Variants in GVQW3 observed in about 807,000 individuals in gnomAD.
The protein encoded by GVQW3 is GVQW motif containing 3.
Under a neutral mutation model 12.5 loss-of-function variants are expected in GVQW3, and 7 were observed. The ratio of observed to expected loss-of-function variants is 0.56; its 90% CI spans 0.32 to 1.05. The LOEUF (loss-of-function observed/expected upper bound fraction) is 1.05. GVQW3 is among the 50% of genes least tolerant of loss of function. GVQW3 has a pLI of 0.04. For missense variants in GVQW3, 188 were observed against 190.8 expected (o/e 0.99, Z 0.09); for synonymous variants, 71 against 67.2 (o/e 1.06, Z -0.28).
chr11:76,411,407 A>G (rs1947078935), downstream of GVQW3: 1 of 152,236 alleles, frequency 6.6e-6, no homozygotes, highest in Admixed American at 6.5e-5. Context: ...ATGTGACCCA[A>G]TTTAAACTTC....
At chr11:76,401,788 A>AAAAAG (rs1555029840) in intron 1 of GVQW3, among the ~76,000 whole-genome samples, 3 of 150,848 alleles carry the variant, frequency 2.0e-5, no homozygotes, top group Non-Finnish European at 4.4e-5. Flanking sequence ...AAAAAAAAAA[A>AAAAAG]AAAGAAAGAA....
exon 2 of GVQW3, chr11:76,413,288 TC>T (rs1470891051): frequency 2.6e-5 from 4 of 152,168 alleles, no homozygotes; most frequent in Non-Finnish European, 5.9e-5. Flanking sequence ...TTGGCATTGT[TC>T]TCCCAAGACT....
chr11:76,398,051 C>T (rs989970227), intron 1 of GVQW3, among the ~76,000 whole-genome samples: 1 of 150,248 alleles, frequency 6.7e-6, no homozygotes, highest in Non-Finnish European at 1.5e-5. Context: ...ACGAGAATCC[C>T]TTGAACCCAG....
intron 1 of GVQW3, 69 bp downstream of exon 1, chr11:76,382,362 C>T (rs1167525071): frequency 9.9e-7 from 1 of 1,011,088 alleles, no homozygotes; most frequent in Non-Finnish European, 1.5e-6. Context: ...TGCCGGTATC[C>T]CATCCCAGAG....
intron 1 of GVQW3, among the ~76,000 whole-genome samples, chr11:76,401,110 C>T (rs1157549881): frequency 6.7e-6 from 1 of 149,456 alleles, no homozygotes; most frequent in Non-Finnish European, 1.5e-5. Flanking sequence ...TGGGCTCAAG[C>T]AATCTGCCCA....
At chr11:76,402,035 T>G (rs1164318514) in intron 1 of GVQW3, among the ~76,000 whole-genome samples, 3 of 152,084 alleles carry the variant, frequency 2.0e-5, no homozygotes, top group Non-Finnish European at 4.4e-5. Flanking sequence ...TCTCAGGGCT[T>G]TATCTCAGTT....
chr11:76,386,728 G>A (rs1946838227), intron 1 of GVQW3, among the ~76,000 whole-genome samples: 1 of 152,088 alleles, frequency 6.6e-6, no homozygotes. Flanking sequence ...TTCTTCTTCA[G>A]TCAGCCCACC....
intron 1 of GVQW3, among the ~76,000 whole-genome samples, chr11:76,391,619 G>GTCA (rs1217441869): frequency 6.6e-6 from 1 of 152,198 alleles, no homozygotes; most frequent in African/African-American, 2.4e-5. Context: ...GTTCGGGTCT[G>GTCA]TCATCAGACC....
chr11:76,402,944 G>GTTTA (rs1176925781), intron 1 of GVQW3, among the ~76,000 whole-genome samples: 5 of 147,036 alleles, frequency 3.4e-5, no homozygotes, highest in Non-Finnish European at 6.0e-5. Flanking sequence ...TTGTTTGTTT[G>GTTTA]TTTATTTATT....
At chr11:76,399,274 G>C (rs1044442965) in intron 1 of GVQW3, among the ~76,000 whole-genome samples, 3 of 152,016 alleles carry the variant, frequency 2.0e-5, no homozygotes, top group African/African-American at 7.2e-5. Flanking sequence ...CGAGTAACTG[G>C]GATTACAGGC....
At chr11:76,397,517 C>T (rs1946950195) in intron 1 of GVQW3, among the ~76,000 whole-genome samples, 1 of 152,274 alleles carries the variant, frequency 6.6e-6, no homozygotes, top group African/African-American at 2.4e-5. Context: ...TTCATTATTT[C>T]TTGTATTCAC....
intron 1 of GVQW3, among the ~76,000 whole-genome samples, chr11:76,397,696 CTACTGTA>C (rs1254124615): frequency 2.0e-5 from 3 of 152,104 alleles, no homozygotes; most frequent in Non-Finnish European, 4.4e-5. Flanking sequence ...TATAGTATGT[CTACTGTA>C]TAAACACAGG....
rs895794373 is a variant in GVQW3 at position 76,407,261 on chromosome 11, G to A, written c.*3503G>A. On this transcript the variant is annotated 3_prime_UTR_variant, in exon 2 of 2. Coordinates refer to ENST00000529331, the MANE Select transcript of GVQW3 (RefSeq NM_001347885.2). ...GATATTGTTTTCTCAGAGCAATTTC[G>A]CAATGAGCATCACGAAGCTTTAAAG... 2.0e-5 allele frequency: 3 copies of A among 151,954 alleles called. No individual in the cohort carries two copies. Among genetic ancestry groups the A allele is most frequent in the African/African-American group, 7.3e-5 (3 of 41,354 alleles). The allele number at this position is 151,954 out of a possible 1,614,324, so 9.4% of individuals were successfully genotyped here.
At chr11:76,382,451 C>T (rs144355392) in intron 1 of GVQW3, 158 bp downstream of exon 1, 3 of 670,470 alleles carry the variant, frequency 4.5e-6, no homozygotes, top group African/African-American at 1.8e-5. Flanking sequence ...AATTGGTTCA[C>T]CCCATGGTGA....
Position 76,382,282 on chromosome 11 carries a change from T to C in GVQW3, c.454T>C (p.Leu152=). The C allele has an allele frequency of 2.0e-6, 3 of 1,523,314 alleles. No homozygotes were observed. The highest frequency in any genetic ancestry group is 2.6e-6 in the Non-Finnish European group (3 of 1,135,582). 94.4% of individuals were successfully genotyped at this position (1,523,314 alleles called of 1,614,324 possible). A position where few individuals can be genotyped will look rare whatever the true frequency, so the allele number is the denominator to read the frequency against. The change falls in exon 1 of 2, where the codon TTG becomes CTG. Residue 152 remains leucine (L), a synonymous_variant. Coordinates refer to ENST00000529331, the MANE Select transcript of GVQW3 (RefSeq NM_001347885.2). ...GGAAACTAGGAAAAATAGCTCATGT[T>C]TGAGGAAAAAGGTAACAGGTTCTGA... is the stretch of plus-strand genomic sequence containing the variant. ...SKETRKNSSC[L]RKKRRNLTML...
rs1947041616 is a variant in GVQW3 at position 76,406,687 on chromosome 11, T to C, written c.*2929T>C. 1 of 152,208 alleles carries C rather than the reference T, an allele frequency of 6.6e-6. No individual in the cohort carries two copies. The allele number at this position is 152,208 out of a possible 1,614,324, so 9.4% of individuals were successfully genotyped here. The stretch of plus-strand genomic sequence containing the variant: ...AGCCAATTTTCAAATAAAAAAGAAA[T>C]GTTTAAAGCAGTGGAAGCACTGTTT... On this transcript the variant is annotated 3_prime_UTR_variant, in exon 2 of 2. Coordinates refer to ENST00000529331, the MANE Select transcript of GVQW3 (RefSeq NM_001347885.2).
intron 1 of GVQW3, among the ~76,000 whole-genome samples, chr11:76,391,311 A>G (rs1289382596): frequency 6.6e-6 from 1 of 152,228 alleles, no homozygotes; most frequent in East Asian, 1.9e-4. Flanking sequence ...TAAGTCCACA[A>G]AGACAAATGC....
chr11:76,398,147 A>G (rs1308631007), intron 1 of GVQW3, among the ~76,000 whole-genome samples: 17 of 151,848 alleles, frequency 1.1e-4, no homozygotes, highest in Non-Finnish European at 8.8e-5. Context: ...AAAAAAAAAA[A>G]AAAGAAAGAA....
At chr11:76,390,501 C>T (rs1186237818) in intron 1 of GVQW3, among the ~76,000 whole-genome samples, 5 of 152,204 alleles carry the variant, frequency 3.3e-5, no homozygotes, top group Admixed American at 3.3e-4. Flanking sequence ...TGTTCCTCCT[C>T]GTGAGCACAC....
Sources: allele counts gnomAD v4.1 joint callset (sites outside exome capture counted in the v4.1 genomes callset), GRCh38; gene constraint gnomAD v4.1.1; transcripts MANE v1.5; gene names NCBI Gene and HGNC (gene_info 2026-07-23, HGNC 2026-07-21).